The following NEB variants were observed in gnomAD, a reference collection of about 807,000 sequenced individuals.
NEB encodes the protein nemaline myopathy type 2.
NEB carries 512 observed loss-of-function variants against 952.2 expected under a neutral mutation model. The ratio of observed to expected loss-of-function variants is 0.54; its 90% confidence interval spans 0.50 to 0.58. The LOEUF (loss-of-function observed/expected upper bound fraction) is 0.58. Among genes scored for constraint, NEB ranks in the 20% least tolerant of loss-of-function variants. NEB has a pLI of 0.00. For synonymous variants in NEB, 2,900 were observed against 3,149.8 expected (o/e 0.92, Z 2.66); for missense variants, 8,428 against 9,231.1 (o/e 0.91, Z 3.56).
intron 181 of NEB, chr2:151,486,875 A>G (rs763645543): frequency 1.8e-4 from 27 of 152,348 alleles, no homozygotes; most frequent in East Asian, 5.8e-4. Context: ...ATGAATGCCA[A>G]TGGGCACCAG....
Position 151,569,375 on chromosome 2 carries a change from G to C in NEB, c.17431-3C>G. The C allele has an allele frequency of 6.2e-7, 1 of 1,611,862 alleles. No individual in the cohort carries two copies. The highest frequency in any genetic ancestry group is 8.5e-7 in the Non-Finnish European group (1 of 1,178,026). On this transcript the variant is annotated splice_polypyrimidine_tract_variant and splice_region_variant and intron_variant, in intron 109 of 181. Coordinates refer to ENST00000397345, the MANE Select transcript of NEB (RefSeq NM_001164508.2). ...TCCAAGTCAGCCTTGTAAACATTCT[G>C]TGAAAACAGGGCCAGAATGAGTTCA...
intron 52 of NEB, 102 bp from the exon 53 acceptor site, chr2:151,650,987 C>G: frequency 8.6e-7 from 1 of 1,168,434 alleles, no homozygotes; most frequent in Non-Finnish European, 1.2e-6. Flanking sequence ...AGACAGGGGT[C>G]TATGTTTCCC....
chr2:151,529,885 T>A (rs1000050080), intron 145 of NEB, among the ~76,000 whole-genome samples: 1 of 152,134 alleles, frequency 6.6e-6, no homozygotes, highest in Non-Finnish European at 1.5e-5. Flanking sequence ...GGAACCCTAT[T>A]CATTCAGGTT....
chr2:151,671,532 T>A (rs981165839), intron 37 of NEB, among the ~76,000 whole-genome samples: 1 of 152,214 alleles, frequency 6.6e-6, no homozygotes, highest in Non-Finnish European at 1.5e-5. Context: ...TTAAAGCATT[T>A]TTTTTCAAGT....
rs1442669487 is a variant in NEB, at chr2:151,533,537, T to C, written c.21322A>G (p.Lys7108Glu). The change falls in exon 143 of 182, where the codon AAA becomes GAA. Residue 7108 changes from lysine to glutamate, a missense_variant. Physicochemically the swap from Lys to Glu is moderately conservative, Grantham distance 56 (BLOSUM62 1). Around this residue, in one of 11 missense-constraint regions of NEB, gnomAD observed 3,374 missense variants for 3,651.5 expected, o/e 0.92. Transcript: ENST00000397345. ...ATQLMNERKY[K>E]SSAKMFLQHG... is the part of the protein sequence containing the mutation. Reference sequence around the variant, plus strand: ...TGCAGAAACATCTTGGCACTAGATTTATATTTTCTCTGTCCATGCAAAGAG... The same window carrying C: ...TGCAGAAACATCTTGGCACTAGATTCATATTTTCTCTGTCCATGCAAAGAG... The C allele has an allele frequency of 1.9e-6, 3 of 1,549,954 alleles. No individual in the cohort carries two copies. Among genetic ancestry groups the C allele is most frequent in the Non-Finnish European group, 2.6e-6 (3 of 1,145,658 alleles).
At position 151,525,284 on chromosome 2, in the gene NEB, C is replaced by T. The variant is rs770580482; in HGVS notation, c.22162-11G>A. On this transcript the variant is annotated splice_polypyrimidine_tract_variant and intron_variant, in intron 150 of 181. Coordinates refer to ENST00000397345, the MANE Select transcript of NEB (RefSeq NM_001164508.2). Reference sequence around the variant, plus strand: ...CTTTTTGTAATTTGTCTAAATAGAGCCAGAATTACTTTTATGAGTAGAGGA... The same window carrying T: ...CTTTTTGTAATTTGTCTAAATAGAGTCAGAATTACTTTTATGAGTAGAGGA... 1 of 1,574,474 alleles carries T rather than the reference C, an allele frequency of 6.4e-7. No homozygotes were observed. The highest frequency in any genetic ancestry group is 1.3e-5 in the African/African-American group (1 of 74,120).
intron 128 of NEB, 96 bp from the exon 129 acceptor site, chr2:151,551,941 G>A: frequency 2.5e-6 from 2 of 797,082 alleles, no homozygotes; most frequent in Non-Finnish European, 2.0e-6. Flanking sequence ...TTTGCCTGGA[G>A]AACTCATCTG....
At chr2:151,719,480 C>T (rs2099768322) in intron 9 of NEB, among the ~76,000 whole-genome samples, 1 of 152,168 alleles carries the variant, frequency 6.6e-6, no homozygotes, top group Non-Finnish European at 1.5e-5. Context: ...ATAATATCTA[C>T]CTAGTGCCTA....
chr2:151,622,220 C>G (rs1369517652), intron 71 of NEB, among the ~76,000 whole-genome samples: 1 of 152,054 alleles, frequency 6.6e-6, no homozygotes, highest in Non-Finnish European at 1.5e-5. Flanking sequence ...CTCTTGAACT[C>G]AAGTGATCCC....
At chr2:151,531,189 A>AT (rs1331955151) in intron 144 of NEB, 88 bp from the exon 145 acceptor site, 2 of 839,188 alleles carry the variant, frequency 2.4e-6, no homozygotes, top group African/African-American at 3.4e-5. Flanking sequence ...TCCTGAGTGA[A>AT]TATAAAGGAA....
intron 106 of NEB, among the ~76,000 whole-genome samples, 166 bp from the exon 107 acceptor site, chr2:151,575,965 C>A (rs2096814028): frequency 6.6e-6 from 1 of 152,056 alleles, no homozygotes; most frequent in Non-Finnish European, 1.5e-5. Flanking sequence ...GATATAAAAT[C>A]TGTATTATTC....
At chr2:151,728,962 G>T (rs1251864625) in intron 4 of NEB, among the ~76,000 whole-genome samples, 1 of 152,050 alleles carries the variant, frequency 6.6e-6, no homozygotes, top group East Asian at 1.9e-4. Flanking sequence ...GCAGTCACAG[G>T]CTCTCTGAAC....
chr2:151,647,856 A>G lies in NEB; in HGVS notation c.7432-1622T>C, dbSNP rs144760391. On this transcript the variant is annotated intron_variant, in intron 54 of 181. Transcript: ENST00000397345. The stretch of plus-strand genomic sequence containing the variant: ...CAGAGAAAATATTTTCTTTTCTTAT[A>G]AAGGATATTAGTGATAAAATTGAAT... Among the ~76,000 whole-genome samples the G allele has an allele frequency of 8.2e-3, 1,249 of 152,318 alleles. 24 individuals carry two copies. Among genetic ancestry groups the G allele is most frequent in the African/African-American group, 0.029 (1,196 of 41,574 alleles).
In NEB at chr2:151,562,691, G is replaced by T; in HGVS notation, c.18811C>A (p.His6271Asn). 1 of 1,605,964 alleles carries T rather than the reference G, an allele frequency of 6.2e-7. No homozygotes were observed. The highest frequency in any genetic ancestry group is 8.5e-7 in the Non-Finnish European group (1 of 1,174,650). Residue 6271 changes from histidine to asparagine, a missense_variant, in exon 120 of 182, where the codon CAC becomes AAC. Coordinates refer to ENST00000397345, the MANE Select transcript of NEB (RefSeq NM_001164508.2). ...QYILSDLEYR[H>N]YFHQWTSLLE... ...AGAGACGTCCACTGGTGGAAATAGTGTCGATACTCCAGGTCACTGAGGATG... is the reference window on the plus strand; with the variant it reads ...AGAGACGTCCACTGGTGGAAATAGTTTCGATACTCCAGGTCACTGAGGATG...
chr2:151,492,264 G>C lies in NEB; in HGVS notation c.24891C>G (p.Asp8297Glu). 1 of 1,612,646 alleles carries C rather than the reference G, an allele frequency of 6.2e-7. No individual in the cohort carries two copies. Reference protein sequence around the residue: ...RHISTVKYHEDFEKHKGCFTP... With the variant: ...RHISTVKYHEEFEKHKGCFTP... ...TGAAGCAACCCTTGTGTTTCTCAAA[G>C]TCTTCATGATATTTCACCTGAAATG... is the stretch of plus-strand genomic sequence containing the variant. Residue 8297 changes from aspartate to glutamate, a missense_variant, in exon 178 of 182, where the codon GAC becomes GAG. Transcript: ENST00000397345.
At chr2:151,564,260 T>C (rs944264320) in intron 117 of NEB, among the ~76,000 whole-genome samples, 1 of 152,144 alleles carries the variant, frequency 6.6e-6, no homozygotes, top group African/African-American at 2.4e-5. Flanking sequence ...GTTCAAGAGA[T>C]TCTCCTGTCT....
At chr2:151,724,418 G>A in intron 7 of NEB, 54 bp from the exon 8 acceptor site, 7 of 1,355,022 alleles carry the variant, frequency 5.2e-6, no homozygotes, top group Non-Finnish European at 7.3e-6. Context: ...AAAGGCATGA[G>A]GATTTAAACA....
chr2:151,552,592 G>T, intron 128 of NEB, 80 bp downstream of exon 128: 1 of 963,224 alleles, frequency 1.0e-6, no homozygotes, highest in Non-Finnish European at 1.6e-6. Flanking sequence ...GCACTGCCCA[G>T]TCTATGGTTT....
Position 151,644,038 on chromosome 2 carries a change from T to G in NEB, c.7736A>C (p.His2579Pro). 1.2e-6 allele frequency: 2 copies of G among 1,613,998 alleles called. No individual in the cohort carries two copies. Among genetic ancestry groups the G allele is most frequent in the Non-Finnish European group, 1.7e-6 (2 of 1,179,888 alleles). ...EDDPKMMWSM[H>P]VAKIQSDREY... ...CCTGTCACTCTGGATCTTGGCCACA[T>G]GCATGGACCACATCATCTTGGGGTC... Residue 2579 changes from histidine to proline, a missense_variant, in exon 57 of 182, where the codon CAT becomes CCT. This residue lies in a region of NEB where 1,772 missense variants were observed against 1,960.3 expected (regional missense o/e 0.90). Transcript: ENST00000397345.
Sources: gnomAD v4.1 joint callset for allele counts (sites outside exome capture counted in the v4.1 genomes callset) on GRCh38, gnomAD v4.1.1 for gene constraint, gnomAD v4.1.1 regional missense constraint, MANE v1.5 for transcripts, NCBI Gene and HGNC (gene_info 2026-07-23, HGNC 2026-07-21) for gene names.